Variants in FOXP2 observed in about 807,000 individuals in gnomAD.
FOXP2 encodes the protein forkhead box P2.
In FOXP2, 12 loss-of-function variants were observed where a neutral mutation model predicts 115.8. The observed-to-expected ratio is 0.10, with a 90% CI of 0.07 to 0.17. The LOEUF is 0.17. FOXP2 is among the 10% of genes least tolerant of loss of function. The probability of loss-of-function intolerance (pLI) is 1.00; values close to 1 mark genes in which losing one functional copy is unlikely to be tolerated. For missense variants in FOXP2, 629 were observed against 843.5 expected, an observed-to-expected ratio of 0.75 and a Z score of 3.15; for synonymous variants, 328 against 297.7, an observed-to-expected ratio of 1.10 and a Z score of -1.05.
chr7:114,193,086 C>A (rs1793806468), intron 1 of FOXP2, among the ~76,000 whole-genome samples: 1 of 152,034 alleles, frequency 6.6e-6, no homozygotes, highest in Admixed American at 6.6e-5. Context: ...TTTATAATAT[C>A]ATCTTTATAT....
At chr7:114,616,308 G>A (rs949958649) in intron 3 of FOXP2, among the ~76,000 whole-genome samples, 10 of 152,020 alleles carry the variant, frequency 6.6e-5, no homozygotes, top group East Asian at 1.9e-4. Flanking sequence ...GACTACAGGC[G>A]TGTGCCACCA....
At position 114,603,562 on chromosome 7, in the gene FOXP2, G is replaced by T. The variant is rs191744519; in HGVS notation, c.259-24978G>T. On this transcript the variant is annotated intron_variant, in intron 3 of 16. Transcript: ENST00000350908. ...TTGACTGAGCTGGAGGTGTTGCAAA[G>T]TTCCTTGAAGATGTTTTATCATTTT... Among the ~76,000 whole-genome samples the T allele has an allele frequency of 1.2e-4, 19 of 152,202 alleles. 1 individual carries two copies. Among genetic ancestry groups the T allele is most frequent in the Non-Finnish European group, 2.8e-4 (19 of 68,036 alleles).
chr7:114,256,632 T>C (rs986384851), intron 1 of FOXP2, among the ~76,000 whole-genome samples: 6 of 152,212 alleles, frequency 3.9e-5, no homozygotes, highest in Non-Finnish European at 8.8e-5. Flanking sequence ...TGCAAACATA[T>C]TTTACCCATT....
intron 1 of FOXP2, among the ~76,000 whole-genome samples, chr7:114,250,212 T>G (rs1795403873): frequency 6.6e-6 from 1 of 152,174 alleles, no homozygotes; most frequent in African/African-American, 2.4e-5. Context: ...ACATTTGGGT[T>G]GGTTCCAAGT....
chr7:114,604,589 G>A (rs1803211975), intron 3 of FOXP2, among the ~76,000 whole-genome samples: 1 of 152,090 alleles, frequency 6.6e-6, no homozygotes, highest in Admixed American at 6.6e-5. Flanking sequence ...GTTTTGCAGA[G>A]GAATAAATAT....
At chr7:114,348,121 G>C (rs966487710) in intron 2 of FOXP2, among the ~76,000 whole-genome samples, 3 of 151,988 alleles carry the variant, frequency 2.0e-5, no homozygotes, top group Non-Finnish European at 4.4e-5. Context: ...AATCACAGTT[G>C]AAATACAAGA....
At chr7:114,114,889 A>C (rs960295761) in intron 1 of FOXP2, among the ~76,000 whole-genome samples, 1 of 152,200 alleles carries the variant, frequency 6.6e-6, no homozygotes, top group African/African-American at 2.4e-5. Context: ...GACTGAAATC[A>C]TGGAAGAAGA....
chr7:114,514,394 T>G lies in FOXP2; in HGVS notation c.169-20223T>G, dbSNP rs534291198. Among the ~76,000 whole-genome samples the G allele has an allele frequency of 8.5e-4, 130 of 152,168 alleles. 1 individual carries two copies. Among genetic ancestry groups the G allele is most frequent in the African/African-American group, 3.0e-3 (126 of 41,544 alleles). On this transcript the variant is annotated intron_variant, in intron 2 of 16. Transcript: ENST00000350908. Reference sequence around the variant, plus strand: ...CCTGTCTAACTGAAATTTTATGTCCTTTGACCAACATCTCCCCAATCCCTT... The same window carrying G: ...CCTGTCTAACTGAAATTTTATGTCCGTTGACCAACATCTCCCCAATCCCTT...
rs780584176 is a variant in FOXP2 at position 114,662,079 on chromosome 7, T to C, written c.1662T>C (p.His554=). The change falls in exon 14 of 17, where the codon CAT becomes CAC. Residue 554 remains histidine (H), a synonymous_variant. Transcript: ENST00000350908. ...GTCTGCTTTAGAATGCAGTACGTCA[T>C]AATCTTAGCCTGCACAAGTGTTTTG... The part of the protein sequence containing the change: ...NAATWKNAVR[H]NLSLHKCFVR... 3 of 1,612,812 alleles carry C rather than the reference T, an allele frequency of 1.9e-6. No homozygotes were observed. The highest frequency in any genetic ancestry group is 1.7e-5 in the Admixed American group (1 of 59,910).
rs145486942 is a variant in FOXP2 at position 114,513,036 on chromosome 7, C to T, written c.169-21581C>T. 2.6e-5 allele frequency among the ~76,000 whole-genome samples: 4 copies of T among 152,142 alleles called. No individual in the cohort carries two copies. In the South Asian group the frequency reaches 6.2e-4, roughly 24 times the overall value. On this transcript the variant is annotated intron_variant, in intron 2 of 16. Coordinates refer to ENST00000350908, the MANE Select transcript of FOXP2 (RefSeq NM_014491.4). ...GGCGGAGGCTGCAGTGAGCTGAGAT[C>T]GCTCACCACTGTACTCCAGCCTGGT... is the stretch of plus-strand genomic sequence containing the variant.
chr7:114,277,643 G>C (rs1484482638), intron 1 of FOXP2, among the ~76,000 whole-genome samples: 1 of 151,782 alleles, frequency 6.6e-6, no homozygotes, highest in African/African-American at 2.4e-5. Context: ...ATCTTTTTCA[G>C]TTCTAACACT....
intron 2 of FOXP2, among the ~76,000 whole-genome samples, chr7:114,299,462 C>G (rs1796825789): frequency 6.6e-6 from 1 of 151,698 alleles, no homozygotes; most frequent in South Asian, 2.1e-4. Flanking sequence ...TATGATAATC[C>G]TATTCTTTTG....
chr7:114,470,436 C>T (rs1795995870), intron 2 of FOXP2, among the ~76,000 whole-genome samples: 1 of 152,082 alleles, frequency 6.6e-6, no homozygotes, highest in Admixed American at 6.6e-5. Context: ...ATACTTATTA[C>T]TATTTATGAT....
rs564226781 is a variant in FOXP2, at chr7:114,473,262, T to C, written c.168+46583T>C. ...GTAAATACCCAATTCCTGTGTTAGG[T>C]TCAGTAGTCTAAATATAGCCCCCAT... On this transcript the variant is annotated intron_variant, in intron 2 of 16. Coordinates refer to ENST00000350908, the MANE Select transcript of FOXP2 (RefSeq NM_014491.4). Among the ~76,000 whole-genome samples, 15 of 152,122 alleles carry C rather than the reference T, an allele frequency of 9.9e-5. 1 individual carries two copies. In the South Asian group the frequency reaches 1.5e-3, roughly 15 times the overall value.
chr7:114,384,703 A>G (rs1224064674), intron 2 of FOXP2, among the ~76,000 whole-genome samples: 1 of 151,980 alleles, frequency 6.6e-6, no homozygotes, highest in East Asian at 1.9e-4. Flanking sequence ...TAGTAGCCCC[A>G]TACTTTAAGA....
At chr7:114,447,817 C>A (rs1794903492) in intron 2 of FOXP2, among the ~76,000 whole-genome samples, 1 of 152,032 alleles carries the variant, frequency 6.6e-6, no homozygotes, top group African/African-American at 2.4e-5. Flanking sequence ...TTCATTTACT[C>A]TGGGAAGGAC....
At chr7:114,626,926 A>G (rs1273308194) in intron 3 of FOXP2, among the ~76,000 whole-genome samples, 3 of 152,032 alleles carry the variant, frequency 2.0e-5, no homozygotes, top group Non-Finnish European at 2.9e-5. Context: ...ATTTATAGGT[A>G]TGCCAGTATA....
At chr7:114,273,191 A>G (rs750670466) in intron 1 of FOXP2, among the ~76,000 whole-genome samples, 75 of 152,004 alleles carry the variant, frequency 4.9e-4, no homozygotes, top group Non-Finnish European at 9.3e-4. Context: ...AGGTTTCTTC[A>G]TTGACCTGTG....
At chr7:114,169,812 C>A (rs1727650814) in intron 1 of FOXP2, among the ~76,000 whole-genome samples, 1 of 150,028 alleles carries the variant, frequency 6.7e-6, no homozygotes, top group African/African-American at 2.5e-5. Flanking sequence ...AATCATGGGA[C>A]AGGTCTTTCC....
Sources: allele counts gnomAD v4.1 joint callset (sites outside exome capture counted in the v4.1 genomes callset), GRCh38; gene constraint gnomAD v4.1.1; transcripts MANE v1.5; gene names NCBI Gene and HGNC (gene_info 2026-07-23, HGNC 2026-07-21).